PRKCI: variants seen among roughly 807,000 people sequenced by gnomAD.
PRKCI encodes protein kinase C iota, also known as protein kinase C iota type.
Under a neutral mutation model 84.0 loss-of-function variants are expected in PRKCI, and 43 were observed. The observed-to-expected ratio is 0.51, with a 90% confidence interval of 0.40 to 0.66. PRKCI has a LOEUF of 0.66. Ranked by LOEUF, PRKCI falls within the 30% of genes least tolerant of loss-of-function variation. The probability of loss-of-function intolerance (pLI) is 0.00; values close to 1 mark genes in which losing one functional copy is unlikely to be tolerated. For missense variants in PRKCI, 459 were observed against 745.6 expected (o/e 0.62, Z 4.48); for synonymous variants, 216 against 234.4 (o/e 0.92, Z 0.72).
intron 2 of PRKCI, among the ~76,000 whole-genome samples, chr3:170,236,808 G>A (rs1732987832): frequency 6.7e-6 from 1 of 148,292 alleles, no homozygotes; most frequent in Admixed American, 6.9e-5. Flanking sequence ...CTGAAGATGG[G>A]CCCTGATTGT....
At chr3:170,297,641 G>C (rs924781657) in intron 16 of PRKCI, among the ~76,000 whole-genome samples, 3 of 148,390 alleles carry the variant, frequency 2.0e-5, no homozygotes, top group Non-Finnish European at 3.0e-5. Flanking sequence ...TAGTAGAGAT[G>C]GGGGGGGTTT....
rs1224995597 is a variant in PRKCI, at chr3:170,284,480, A to G, written c.1087A>G (p.Ser363Gly). ...EHARFYSAEI[S>G]LALNYLHERG... Reference sequence around the variant, plus strand: ...TTTTAGATTTTACTCTGCAGAAATCAGTCTAGCATTAAATTATCTTCATGA... The same window carrying G: ...TTTTAGATTTTACTCTGCAGAAATCGGTCTAGCATTAAATTATCTTCATGA... Residue 363 changes from serine to glycine, a missense_variant, in exon 12 of 18, where the codon AGT (serine) becomes GGT (glycine). This residue lies in a region of PRKCI where 209 missense variants were observed against 425.9 expected (regional missense o/e 0.49). Coordinates refer to ENST00000295797, the MANE Select transcript of PRKCI (RefSeq NM_002740.6). The G allele has an allele frequency of 6.3e-7, 1 of 1,582,120 alleles. No individual in the cohort carries two copies. Among genetic ancestry groups the G allele is most frequent in the Non-Finnish European group, 8.7e-7 (1 of 1,155,794 alleles).
intron 6 of PRKCI, among the ~76,000 whole-genome samples, chr3:170,271,994 C>T (rs1734016878): frequency 6.6e-6 from 1 of 152,134 alleles, no homozygotes; most frequent in Admixed American, 6.5e-5. Context: ...CCACCATGCC[C>T]AGCTAATTTT....
intron 12 of PRKCI, chr3:170,291,539 A>G: frequency 4.3e-6 from 1 of 233,244 alleles, no homozygotes; most frequent in African/African-American, 2.2e-5. Context: ...TCTACTAAAA[A>G]TACAAAAATT....
chr3:170,268,993 C>T (rs1019182568), intron 5 of PRKCI, among the ~76,000 whole-genome samples: 2 of 152,150 alleles, frequency 1.3e-5, no homozygotes, highest in African/African-American at 2.4e-5. Flanking sequence ...CAGCTCACTG[C>T]AACCTGCATC....
At chr3:170,253,369 G>A (rs997633446) in intron 2 of PRKCI, among the ~76,000 whole-genome samples, 1 of 152,194 alleles carries the variant, frequency 6.6e-6, no homozygotes, top group South Asian at 2.1e-4. Context: ...CTCTCTTTTG[G>A]ATAAAAACCA....
intron 11 of PRKCI, among the ~76,000 whole-genome samples, chr3:170,284,031 T>G (rs1452796631): frequency 6.6e-6 from 1 of 152,214 alleles, no homozygotes; most frequent in Admixed American, 6.6e-5. Context: ...GCTTGTAGTA[T>G]TCTTTCTATT....
At chr3:170,295,868 C>A in intron 14 of PRKCI, 43 bp from the exon 15 acceptor site, 1 of 1,174,278 alleles carries the variant, frequency 8.5e-7, no homozygotes, top group Non-Finnish European at 1.2e-6. Context: ...AGATTAAAGC[C>A]ATGTAAAAGT....
At chr3:170,284,141 T>C (rs1734318512) in intron 11 of PRKCI, among the ~76,000 whole-genome samples, 1 of 152,154 alleles carries the variant, frequency 6.6e-6, no homozygotes. Context: ...TGCATGTACA[T>C]ACGGGCATAC....
chr3:170,258,724 GTT>G (rs551792107), intron 2 of PRKCI, among the ~76,000 whole-genome samples: 26 of 152,132 alleles, frequency 1.7e-4, no homozygotes, highest in Non-Finnish European at 3.5e-4. Flanking sequence ...CTGTGTGTCT[GTT>G]ACTAAAACTG....
At chr3:170,267,516 A>G (rs999348787) in intron 4 of PRKCI, among the ~76,000 whole-genome samples, 5 of 151,992 alleles carry the variant, frequency 3.3e-5, no homozygotes, top group African/African-American at 1.2e-4. Flanking sequence ...TCTACTAAGA[A>G]TACAAAATTA....
intron 15 of PRKCI, 75 bp from the exon 16 acceptor site, chr3:170,297,229 C>T: frequency 8.1e-7 from 1 of 1,236,846 alleles, no homozygotes; most frequent in Non-Finnish European, 1.2e-6. Context: ...TGAGGGCACA[C>T]AACACAGATC....
At chr3:170,246,944 G>C (rs1287598763) in intron 2 of PRKCI, among the ~76,000 whole-genome samples, 1 of 152,040 alleles carries the variant, frequency 6.6e-6, no homozygotes, top group African/African-American at 2.4e-5. Context: ...AATAACTCCA[G>C]GTTGGAAGTT....
At position 170,222,747 on chromosome 3, in the gene PRKCI, C is replaced by G; in HGVS notation, c.78C>G (p.Val26=). The change falls in exon 1 of 18, where the codon GTC becomes GTG. Residue 26 remains valine (V), a synonymous_variant. Transcript: ENST00000295797. The part of the protein sequence containing the change: ...GGGSGDHSHQ[V]RVKAYYRGDI... ...GCAGCGGGGACCATTCCCACCAGGT[C>G]CGGGTGAAAGCCTACTACCGCGGGT... 6.2e-7 allele frequency: 1 copy of G among 1,610,948 alleles called. No homozygotes were observed. The highest frequency in any genetic ancestry group is 8.5e-7 in the Non-Finnish European group (1 of 1,179,248).
At chr3:170,280,162 T>A in intron 8 of PRKCI, 65 bp from the exon 9 acceptor site, 4 of 1,353,392 alleles carry the variant, frequency 3.0e-6, no homozygotes, top group Non-Finnish European at 4.0e-6. Context: ...CAACTAGGTG[T>A]TAGAAATATA....
In PRKCI at chr3:170,303,061, T is replaced by A. The variant is rs1734861053; in HGVS notation, c.1725T>A (p.Asp575Glu). The A allele has an allele frequency of 6.2e-7, 1 of 1,602,382 alleles. No homozygotes were observed. The highest frequency in any genetic ancestry group is 1.3e-5 in the African/African-American group (1 of 74,556). The change falls in exon 18 of 18, where the codon GAT (aspartate) becomes GAA (glutamate). Residue 575 changes from aspartate (D) to glutamate (E), a missense_variant. Asp to Glu is a conservative substitution (Grantham distance 45, BLOSUM62 2). Transcript: ENST00000295797. ...ACAGTGACATTGTGAGGAAGATTGA[T>A]CAGTCTGAATTTGAAGGTTTTGAGT... is the stretch of plus-strand genomic sequence containing the variant. ...PDDDDIVRKI[D>E]QSEFEGFEYI...
intron 2 of PRKCI, among the ~76,000 whole-genome samples, chr3:170,247,152 C>A (rs1207021446): frequency 1.3e-5 from 2 of 151,886 alleles, no homozygotes; most frequent in Admixed American, 1.3e-4. Context: ...GCCTTGACCT[C>A]CCAGGCTCAA....
intron 12 of PRKCI, among the ~76,000 whole-genome samples, chr3:170,291,419 A>G (rs1734547851): frequency 6.6e-6 from 1 of 151,912 alleles, no homozygotes; most frequent in Non-Finnish European, 1.5e-5. Context: ...GGCAGTTGCC[A>G]GGCATGATGG....
chr3:170,253,794 T>TA (rs1418841190), intron 2 of PRKCI, among the ~76,000 whole-genome samples: 31 of 129,548 alleles, frequency 2.4e-4, no homozygotes, highest in Middle Eastern at 5.5e-3. Flanking sequence ...CCATCTAAAA[T>TA]AAAAAAAAAT....
Sources: gnomAD v4.1 joint callset for allele counts (sites outside exome capture counted in the v4.1 genomes callset) on GRCh38, gnomAD v4.1.1 for gene constraint, gnomAD v4.1.1 regional missense constraint, MANE v1.5 for transcripts, NCBI Gene and HGNC (gene_info 2026-07-23, HGNC 2026-07-21) for gene names.